Variants in SGCZ observed in about 807,000 individuals in gnomAD.
SGCZ encodes the protein sarcoglycan zeta.
A neutral mutation model predicts 41.3 loss-of-function variants in SGCZ; 40 were observed. The observed-to-expected ratio is 0.97, with a 90% CI of 0.75 to 1.26. The LOEUF is 1.26. SGCZ is among the 50% of genes most tolerant of loss of function. SGCZ has a pLI of 0.00. For missense variants in SGCZ, 552 were observed against 369.8 expected (o/e 1.49, Z -4.04); for synonymous variants, 206 against 137.5 (o/e 1.50, Z -3.49).
chr8:14,735,993 T>C lies in SGCZ; in HGVS notation c.40-181067A>G, dbSNP rs79543535. ...GAAAATTTTGATAAGTGTAAATGAGTATGGAGATTGTAAGCAGGCTGAGAC... is the reference window on the plus strand; with the variant it reads ...GAAAATTTTGATAAGTGTAAATGAGCATGGAGATTGTAAGCAGGCTGAGAC... On this transcript the variant is annotated intron_variant, in intron 1 of 7. Coordinates refer to ENST00000382080, the MANE Select transcript of SGCZ (RefSeq NM_139167.4). 9.6e-3 allele frequency among the ~76,000 whole-genome samples: 1,458 copies of C among 151,846 alleles called. 29 individuals are homozygous for C. The highest frequency in any genetic ancestry group is 0.034 in the African/African-American group (1,389 of 41,410).
At chr8:14,434,787 G>C (rs1057502845) in intron 2 of SGCZ, among the ~76,000 whole-genome samples, 11 of 151,976 alleles carry the variant, frequency 7.2e-5, no homozygotes, top group African/African-American at 2.7e-4. Flanking sequence ...TAGTTAGCTA[G>C]GCACGGTAAC....
In SGCZ at chr8:14,567,208, G is replaced by T. The variant is rs147040957; in HGVS notation, c.40-12282C>A. Among the ~76,000 whole-genome samples, 75 of 152,304 alleles carry T rather than the reference G, an allele frequency of 4.9e-4. 1 individual carries two copies. Among genetic ancestry groups the T allele is most frequent in the Non-Finnish European group, 7.6e-4 (52 of 68,024 alleles). The stretch of plus-strand genomic sequence containing the variant: ...CGCCGGGTCCCATGGATCGCCCAAG[G>T]GCTGAGGAGTGCAGGCGCACGGCTT... On this transcript the variant is annotated intron_variant, in intron 1 of 7. Coordinates refer to ENST00000382080, the MANE Select transcript of SGCZ (RefSeq NM_139167.4).
chr8:14,947,386 A>T (rs2130829966), intron 1 of SGCZ, among the ~76,000 whole-genome samples: 1 of 152,256 alleles, frequency 6.6e-6, no homozygotes, highest in South Asian at 2.1e-4. Flanking sequence ...CATTGATTGG[A>T]TCTTTTTTAT....
chr8:14,835,181 T>C (rs1235399779), intron 1 of SGCZ, among the ~76,000 whole-genome samples: 2 of 152,198 alleles, frequency 1.3e-5, no homozygotes, highest in African/African-American at 4.8e-5. Context: ...TTTGAATGGG[T>C]TACAGGTGTA....
intron 1 of SGCZ, among the ~76,000 whole-genome samples, chr8:15,132,913 G>C (rs540219381): frequency 6.6e-6 from 1 of 152,146 alleles, no homozygotes; most frequent in African/African-American, 2.4e-5. Flanking sequence ...ATCCAAGGTG[G>C]GTGGACTGCA....
chr8:14,855,539 C>T (rs1803518199), intron 1 of SGCZ, among the ~76,000 whole-genome samples: 3 of 152,124 alleles, frequency 2.0e-5, no homozygotes, highest in Non-Finnish European at 1.5e-5. Flanking sequence ...ACTAGAAGGT[C>T]AATTCTGGTT....
At chr8:14,554,301 T>C (rs1041727597) in intron 2 of SGCZ, among the ~76,000 whole-genome samples, 1 of 152,014 alleles carries the variant, frequency 6.6e-6, no homozygotes, top group African/African-American at 2.4e-5. Flanking sequence ...AGAAAGCAGA[T>C]ATAGAGATAT....
At chr8:14,152,592 T>C (rs1002041895) in intron 5 of SGCZ, among the ~76,000 whole-genome samples, 18 of 152,178 alleles carry the variant, frequency 1.2e-4, no homozygotes, top group African/African-American at 4.3e-4. Context: ...CAGGAAAGGA[T>C]ATGAAGTGTT....
At chr8:14,865,329 T>C (rs1387400687) in intron 1 of SGCZ, among the ~76,000 whole-genome samples, 1 of 151,964 alleles carries the variant, frequency 6.6e-6, no homozygotes, top group Non-Finnish European at 1.5e-5. Flanking sequence ...CCTGGGTTCT[T>C]TTTTCCACTG....
At chr8:14,489,100 T>G (rs1319985478) in intron 2 of SGCZ, among the ~76,000 whole-genome samples, 3 of 151,878 alleles carry the variant, frequency 2.0e-5, no homozygotes, top group Non-Finnish European at 4.4e-5. Context: ...AGGCTTTTAA[T>G]TTTATTAAAC....
chr8:14,492,770 G>A (rs554414315), intron 2 of SGCZ, among the ~76,000 whole-genome samples: 3 of 152,070 alleles, frequency 2.0e-5, no homozygotes, highest in East Asian at 1.9e-4. Flanking sequence ...CAACCTGGAC[G>A]TCTCTTCACT....
chr8:14,381,286 C>T (rs981106635), intron 2 of SGCZ, among the ~76,000 whole-genome samples: 1 of 152,138 alleles, frequency 6.6e-6, no homozygotes, highest in Admixed American at 6.5e-5. Flanking sequence ...TAGGAAGGTT[C>T]AGAGAGAGTA....
chr8:14,845,540 C>T (rs944861083), intron 1 of SGCZ, among the ~76,000 whole-genome samples: 2 of 151,892 alleles, frequency 1.3e-5, no homozygotes, highest in African/African-American at 4.8e-5. Context: ...CAGAAACTGA[C>T]CTAAAGTTGA....
chr8:15,161,279 G>A (rs1433023967), intron 1 of SGCZ, among the ~76,000 whole-genome samples: 1 of 151,964 alleles, frequency 6.6e-6, no homozygotes, highest in African/African-American at 2.4e-5. Flanking sequence ...CTCCCCTACT[G>A]TCGACTCTCC....
rs1807935350 is a variant in SGCZ, at chr8:15,132,234, G to C, written c.39+105351C>G. 3.9e-5 allele frequency among the ~76,000 whole-genome samples: 6 copies of C among 152,132 alleles called. No homozygotes were observed. The South Asian group carries it at 1.2e-3, about 32-fold the overall frequency. ...GAGATTTAAAAGTGATTGGAAAAGA[G>C]CACACTAGAAGTCCCACATTCCTCA... On this transcript the variant is annotated intron_variant, in intron 1 of 7. Coordinates refer to ENST00000382080, the MANE Select transcript of SGCZ (RefSeq NM_139167.4).
At chr8:14,903,022 T>C (rs2130763362) in intron 1 of SGCZ, among the ~76,000 whole-genome samples, 1 of 152,228 alleles carries the variant, frequency 6.6e-6, no homozygotes, top group East Asian at 1.9e-4. Flanking sequence ...TAACAGTATA[T>C]AAATAGCTCT....
At chr8:14,456,544 T>G (rs1178500852) in intron 2 of SGCZ, among the ~76,000 whole-genome samples, 1 of 152,092 alleles carries the variant, frequency 6.6e-6, no homozygotes, top group Non-Finnish European at 1.5e-5. Context: ...ATCTGATCAT[T>G]TGTACCAAAG....
chr8:14,181,081 T>C (rs1160319589), intron 4 of SGCZ, among the ~76,000 whole-genome samples: 2 of 152,132 alleles, frequency 1.3e-5, no homozygotes, highest in South Asian at 2.1e-4. Flanking sequence ...CCATGTGTGA[T>C]AGTCTAAGCC....
At chr8:14,706,897 T>C (rs952469085) in intron 1 of SGCZ, among the ~76,000 whole-genome samples, 4 of 151,972 alleles carry the variant, frequency 2.6e-5, no homozygotes, top group African/African-American at 9.7e-5. Context: ...TTATTATAAA[T>C]GTAAAATACA....
Sources: allele counts gnomAD v4.1 joint callset (sites outside exome capture counted in the v4.1 genomes callset), GRCh38; gene constraint gnomAD v4.1.1; transcripts MANE v1.5; gene names NCBI Gene and HGNC (gene_info 2026-07-23, HGNC 2026-07-21).